Variants in PTCHD1 observed in about 807,000 individuals in gnomAD.
PTCHD1 encodes the protein patched domain containing 1.
Under a neutral mutation model 34.6 loss-of-function variants are expected in PTCHD1, and 3 were observed. The ratio of observed to expected loss-of-function variants is 0.09; its 90% CI spans 0.04 to 0.22. The LOEUF (loss-of-function observed/expected upper bound fraction) is 0.22, where lower values mean the gene tolerates loss of function less well. Ranked by LOEUF, PTCHD1 falls within the 10% of genes least tolerant of loss-of-function variation. The pLI is 1.00. For missense variants in PTCHD1, 504 were observed against 685.5 expected (o/e 0.74, Z 2.96); for synonymous variants, 305 against 283.1 (o/e 1.08, Z -0.77).
intron 2 of PTCHD1, among the ~76,000 whole-genome samples, chrX:23,381,954 A>T (rs1224924920): frequency 8.9e-6 from 1 of 111,980 alleles, no homozygotes; most frequent in Non-Finnish European, 1.9e-5. Context: ...TGTTTTGCTC[A>T]TGATTAGTCA....
At chrX:23,380,331 T>C in intron 2 of PTCHD1, 80 bp downstream of exon 2, 1 of 940,189 alleles carries the variant, frequency 1.1e-6, no homozygotes, top group Non-Finnish European at 1.5e-6. Context: ...AGTAGCCTTC[T>C]AACAACTTTG....
Position 23,335,243 on chromosome X carries a change from G to T in PTCHD1, c.351+17G>T, listed in dbSNP as rs990215554. ...ATCTTAAAGGTGAGAGGGGACGGGT[G>T]CGGGCAGACTCCGCCAGCGCCGCGG... On this transcript the variant is annotated intron_variant, in intron 1 of 2. Transcript: ENST00000379361. 1.7e-6 allele frequency: 2 copies of T among 1,170,579 alleles called. No individual in the cohort carries two copies. Among genetic ancestry groups the T allele is most frequent in the Non-Finnish European group, 2.3e-6 (2 of 858,610 alleles).
At chrX:23,336,048 C>A (rs889956472) in intron 1 of PTCHD1, among the ~76,000 whole-genome samples, 2 of 110,371 alleles carry the variant, frequency 1.8e-5, no homozygotes, top group Non-Finnish European at 3.8e-5. Context: ...GCTGTGTGAC[C>A]CCGAGAAGAG....
At chrX:23,351,149 T>C (rs773832788) in intron 1 of PTCHD1, 2 of 595,839 alleles carry the variant, frequency 3.4e-6, no homozygotes, top group African/African-American at 2.3e-5. Flanking sequence ...CAACATCCTT[T>C]TGGAGCCATG....
chrX:23,364,603 A>G (rs890068583), intron 1 of PTCHD1, among the ~76,000 whole-genome samples: 1 of 111,960 alleles, frequency 8.9e-6, no homozygotes, highest in Admixed American at 9.4e-5. Context: ...ACTGGCAGCA[A>G]TGCCGATGCA....
Position 23,401,969 on chromosome X carries a change from A to C in PTCHD1, c.*7784A>C, listed in dbSNP as rs748031723. On this transcript the variant is annotated 3_prime_UTR_variant, in exon 3 of 3. Transcript: ENST00000379361. ...TAAGCAAGAAGAATAGCATAGACCC[A>C]AAACGACAGAGATCTCTTCCAAGGT... The C allele has an allele frequency of 8.9e-6, 1 of 112,648 alleles. No homozygotes were observed. Among genetic ancestry groups the C allele is most frequent in the East Asian group, 2.8e-4 (1 of 3,594 alleles). The allele number at this position is 112,648 out of a possible 1,213,427, so 9.3% of individuals were successfully genotyped here.
chrX:23,359,635 T>C (rs1253826399), intron 1 of PTCHD1, among the ~76,000 whole-genome samples: 2 of 112,140 alleles, frequency 1.8e-5, no homozygotes, highest in South Asian at 3.7e-4. Context: ...TTGAATACCC[T>C]TTATTTCTTT....
intron 2 of PTCHD1, among the ~76,000 whole-genome samples, chrX:23,381,659 C>T (rs1922567446): frequency 8.9e-6 from 1 of 111,746 alleles, no homozygotes; most frequent in Non-Finnish European, 1.9e-5. Flanking sequence ...GAAACCTAGT[C>T]AATAAACATA....
rs1032688293 is a variant in PTCHD1 at position 23,390,881 on chromosome X, T to G, written c.1013-1650T>G. Among the ~76,000 whole-genome samples, 6 of 112,157 alleles carry G rather than the reference T, an allele frequency of 5.3e-5. No homozygotes were observed. The East Asian group carries it at 1.7e-3, about 31-fold the overall frequency. On this transcript the variant is annotated intron_variant, in intron 2 of 2. Transcript: ENST00000379361. ...CTTGGCTGGAGATTTTAAATTCCTT[T>G]TTAAATACAAGACTATTGTACCACA...
At chrX:23,389,654 G>A (rs1485283932) in intron 2 of PTCHD1, among the ~76,000 whole-genome samples, 1 of 111,778 alleles carries the variant, frequency 8.9e-6, no homozygotes, top group Non-Finnish European at 1.9e-5. Flanking sequence ...TGATCGGTTA[G>A]AACAAATTCT....
At chrX:23,374,280 CAAAAAAAAAA>C (rs752214252) in intron 1 of PTCHD1, among the ~76,000 whole-genome samples, 7 of 24,544 alleles carry the variant, frequency 2.9e-4, no homozygotes, top group Admixed American at 9.6e-4. Flanking sequence ...GAAACAAATA[CAAAAAAAAAA>C]AAAAAAAAAA....
chrX:23,354,867 G>C (rs1057422928), intron 1 of PTCHD1, among the ~76,000 whole-genome samples: 1 of 106,727 alleles, frequency 9.4e-6, no homozygotes, highest in Non-Finnish European at 2.0e-5. Flanking sequence ...CACCACACCC[G>C]GCCAAAATTC....
rs1334902359 is a variant in PTCHD1 at position 23,371,331 on chromosome X, G to A, written c.352-8260G>A. Among the ~76,000 whole-genome samples the A allele has an allele frequency of 4.5e-5, 5 of 111,980 alleles. No individual in the cohort carries two copies. In the Admixed American group the frequency reaches 4.7e-4, roughly 11 times the overall value. ...ATAATCCCAGGAAGCACTGAGAAGAGAACAGCATCATGAGGCAGGGAAGAA... is the reference window on the plus strand; with the variant it reads ...ATAATCCCAGGAAGCACTGAGAAGAAAACAGCATCATGAGGCAGGGAAGAA... On this transcript the variant is annotated intron_variant, in intron 1 of 2. Coordinates refer to ENST00000379361, the MANE Select transcript of PTCHD1 (RefSeq NM_173495.3).
intron 2 of PTCHD1, among the ~76,000 whole-genome samples, chrX:23,380,797 G>C (rs183658888): frequency 2.3e-4 from 26 of 111,258 alleles, no homozygotes; most frequent in African/African-American, 7.8e-4. Flanking sequence ...GTCCTCCCCC[G>C]GGGTGAGGAA....
At chrX:23,350,339 A>T (rs920479249) in intron 1 of PTCHD1, among the ~76,000 whole-genome samples, 13 of 111,456 alleles carry the variant, frequency 1.2e-4, no homozygotes, top group African/African-American at 3.9e-4. Flanking sequence ...GCCAGCCCAA[A>T]GATTGGGAGA....
At chrX:23,392,222 C>T (rs1922856313) in intron 2 of PTCHD1, among the ~76,000 whole-genome samples, 1 of 108,834 alleles carries the variant, frequency 9.2e-6, no homozygotes, top group Non-Finnish European at 1.9e-5. Flanking sequence ...ACTCAGCTTT[C>T]TATAGGCAAA....
intron 1 of PTCHD1, among the ~76,000 whole-genome samples, chrX:23,376,683 C>T (rs1238289895): frequency 8.9e-6 from 1 of 111,909 alleles, no homozygotes; most frequent in East Asian, 2.8e-4. Context: ...GTCTCAACTC[C>T]TTATTATAAC....
At chrX:23,349,309 T>C (rs916384841) in intron 1 of PTCHD1, among the ~76,000 whole-genome samples, 1 of 111,683 alleles carries the variant, frequency 9.0e-6, no homozygotes, top group Non-Finnish European at 1.9e-5. Flanking sequence ...TCTAATTATA[T>C]CAATAATCAC....
intron 1 of PTCHD1, among the ~76,000 whole-genome samples, chrX:23,353,652 G>C (rs1045172308): frequency 2.7e-5 from 3 of 111,661 alleles, no homozygotes; most frequent in Non-Finnish European, 5.7e-5. Context: ...CTAAGATGAA[G>C]AGCAGCTGCT....
Sources: allele counts gnomAD v4.1 joint callset (sites outside exome capture counted in the v4.1 genomes callset), GRCh38; gene constraint gnomAD v4.1.1; transcripts MANE v1.5; gene names NCBI Gene and HGNC (gene_info 2026-07-23, HGNC 2026-07-21).